RRP15: variants seen among roughly 807,000 people sequenced by gnomAD.
The protein encoded by RRP15 is ribosomal RNA processing 15 homolog, also known as RRP15-like protein.
A neutral mutation model predicts 27.1 loss-of-function variants in RRP15; 18 were observed. That is an observed-to-expected ratio of 0.66 (90% CI 0.46 to 0.98). The LOEUF (loss-of-function observed/expected upper bound fraction) is 0.98. Ranked by LOEUF, RRP15 falls within the 50% of genes least tolerant of loss-of-function variation. RRP15 has a pLI of 0.00. For missense variants in RRP15, 359 were observed against 337.8 expected (o/e 1.06, Z -0.49); for synonymous variants, 107 against 109.4 (o/e 0.98, Z 0.14).
chr1:218,322,512 CT>C (rs988276539), intron 4 of RRP15, among the ~76,000 whole-genome samples: 137 of 139,514 alleles, frequency 9.8e-4, no homozygotes, highest in East Asian at 4.6e-3. Flanking sequence ...TTTAGGTGTA[CT>C]TTTTTTTTTT....
chr1:218,290,027 T>C (rs759060181), intron 1 of RRP15, among the ~76,000 whole-genome samples: 12 of 152,224 alleles, frequency 7.9e-5, no homozygotes, highest in Non-Finnish European at 1.2e-4. Context: ...GGTACCTATC[T>C]GTTGGGCCTG....
intron 1 of RRP15, among the ~76,000 whole-genome samples, chr1:218,291,334 A>G (rs1426329271): frequency 6.6e-6 from 1 of 151,720 alleles, no homozygotes; most frequent in Admixed American, 6.6e-5. Context: ...AGTGCCAGCT[A>G]CTTGTGAGGC....
rs954492018 is a variant in RRP15, at chr1:218,312,521, T to C, written c.705+4889T>C. Among the ~76,000 whole-genome samples the C allele has an allele frequency of 3.9e-5, 6 of 152,246 alleles. No homozygotes were observed. The South Asian group carries it at 1.2e-3, about 32-fold the overall frequency. On this transcript the variant is annotated intron_variant, in intron 4 of 4. Transcript: ENST00000366932. ...ATGATTCTTAGCCAATAAATAGAAC[T>C]TTGGGGTAAAATGTTGAATGTTAAA...
At chr1:218,316,682 T>C (rs1656094129) in intron 4 of RRP15, among the ~76,000 whole-genome samples, 1 of 152,192 alleles carries the variant, frequency 6.6e-6, no homozygotes, top group Non-Finnish European at 1.5e-5. Context: ...CTTAGAATGA[T>C]GCTTAACACA....
At chr1:218,317,324 C>A (rs535942573) in intron 4 of RRP15, among the ~76,000 whole-genome samples, 2 of 152,338 alleles carry the variant, frequency 1.3e-5, no homozygotes, top group East Asian at 3.9e-4. Context: ...TAGAAAACTT[C>A]TCTTCCTTCT....
intron 1 of RRP15, among the ~76,000 whole-genome samples, chr1:218,292,969 T>C (rs767829501): frequency 6.6e-6 from 1 of 152,182 alleles, no homozygotes; most frequent in Non-Finnish European, 1.5e-5. Context: ...ATCTCTGCAA[T>C]ATAGATAAAT....
chr1:218,313,034 T>A (rs993700718), intron 4 of RRP15, among the ~76,000 whole-genome samples: 2 of 152,234 alleles, frequency 1.3e-5, no homozygotes, highest in South Asian at 4.1e-4. Flanking sequence ...GTAAGTGATC[T>A]GGTCAGATTT....
rs182634028 is a variant in RRP15 at position 218,306,864 on chromosome 1, T to G, written c.504-567T>G. Among the ~76,000 whole-genome samples the G allele has an allele frequency of 5.7e-4, 87 of 152,332 alleles. No homozygotes were observed. The Middle Eastern group carries it at 0.031, about 54-fold the overall frequency. On this transcript the variant is annotated intron_variant, in intron 3 of 4. Coordinates refer to ENST00000366932, the MANE Select transcript of RRP15 (RefSeq NM_016052.4). ...AGGATTCTATTTTTCATACTGAGTC[T>G]TTGAAATCTGGTGTATTTTCATTTA...
At chr1:218,302,141 T>G (rs1655819324) in intron 1 of RRP15, among the ~76,000 whole-genome samples, 153 bp from the exon 2 acceptor site, 1 of 152,144 alleles carries the variant, frequency 6.6e-6, no homozygotes, top group Non-Finnish European at 1.5e-5. Flanking sequence ...ATGGTCCTAT[T>G]GCTCTTCATC....
intron 1 of RRP15, among the ~76,000 whole-genome samples, chr1:218,289,726 A>C (rs1655604344): frequency 6.6e-6 from 1 of 152,162 alleles, no homozygotes; most frequent in Non-Finnish European, 1.5e-5. Context: ...CTTGTTGCCC[A>C]GGCTGGAGTG....
At position 218,337,272 on chromosome 1, in the gene RRP15, T is replaced by C. The variant is rs1656463566; in HGVS notation, c.*6181T>C. On this transcript the variant is annotated 3_prime_UTR_variant, in exon 5 of 5. Transcript: ENST00000366932. ...CTGAGTCTTCCTTTTCTAGATAGAA[T>C]TCCCCCCAACAAAAATTTAAAGTCT... 6.6e-6 allele frequency: 1 copy of C among 152,174 alleles called. No individual in the cohort carries two copies. The highest frequency in any genetic ancestry group is 1.5e-5 in the Non-Finnish European group (1 of 68,014). 9.4% of individuals were successfully genotyped at this position (152,174 alleles called of 1,614,324 possible).
intron 1 of RRP15, among the ~76,000 whole-genome samples, chr1:218,290,331 T>C (rs1655619115): frequency 1.3e-5 from 2 of 152,226 alleles, no homozygotes; most frequent in African/African-American, 2.4e-5. Flanking sequence ...ATCCCTGAAT[T>C]AGTGAACCAT....
Position 218,302,504 on chromosome 1 carries a change from A to G in RRP15, c.350A>G (p.Lys117Arg). 1.2e-6 allele frequency: 2 copies of G among 1,613,766 alleles called. No homozygotes were observed. Among genetic ancestry groups the G allele is most frequent in the Non-Finnish European group, 1.7e-6 (2 of 1,179,934 alleles). Residue 117 changes from lysine (K) to arginine (R), a missense_variant, in exon 2 of 5, where the codon AAG becomes AGG. Lys to Arg is a conservative substitution (Grantham distance 26). Transcript: ENST00000366932. ...SKPTILVKNKKLEKEKEKLKQ... is the reference protein window; with the variant it reads ...SKPTILVKNKRLEKEKEKLKQ... The stretch of plus-strand genomic sequence containing the variant: ...CCTACTATTCTGGTCAAAAATAAGA[A>G]GCTGGAAAAGGAAAAAGAAAAGTTA...
rs974802148 is a variant in RRP15, at chr1:218,300,952, C to G, written c.140-1342C>G. ...AGTAAAGTAAGGAGCAGCAGGAAAC[C>G]TGCTTATGCCTTGGCCTTTTTCTTC... On this transcript the variant is annotated intron_variant, in intron 1 of 4. Transcript: ENST00000366932. Among the ~76,000 whole-genome samples the G allele has an allele frequency of 2.0e-5, 3 of 152,132 alleles. No individual in the cohort carries two copies. In the East Asian group the frequency reaches 5.8e-4, roughly 29 times the overall value.
rs1656380287 is a variant in RRP15, at chr1:218,332,099, T to A, written c.*1008T>A. 1 of 150,974 alleles carries A rather than the reference T, an allele frequency of 6.6e-6. No individual in the cohort carries two copies. Among genetic ancestry groups the A allele is most frequent in the African/African-American group, 2.5e-5 (1 of 40,416 alleles). The allele number at this position is 150,974 out of a possible 1,614,324, so 9.4% of individuals were successfully genotyped here. On this transcript the variant is annotated 3_prime_UTR_variant, in exon 5 of 5. Coordinates refer to ENST00000366932, the MANE Select transcript of RRP15 (RefSeq NM_016052.4). ...TTACAGAGGTGGAAATTCTCATGCT[T>A]AACTTATGCAATGAGACAATTTCTC...
At chr1:218,330,453 AT>A (rs748111725) in intron 4 of RRP15, among the ~76,000 whole-genome samples, 57 of 152,224 alleles carry the variant, frequency 3.7e-4, no homozygotes, top group Non-Finnish European at 6.9e-4. Context: ...ATTAAGTGAG[AT>A]GGCATCTTAA....
At position 218,327,851 on chromosome 1, in the gene RRP15, C is replaced by G. The variant is rs192078125; in HGVS notation, c.706-3097C>G. Among the ~76,000 whole-genome samples, 585 of 152,304 alleles carry G rather than the reference C, an allele frequency of 3.8e-3. 3 individuals are homozygous for G. Among genetic ancestry groups the G allele is most frequent in the Non-Finnish European group, 5.4e-3 (368 of 68,030 alleles). ...ATTAGATTTTCTAAAATCTTTCCCT[C>G]TCAGCCATAAAGTGTACTTGGTCTT... On this transcript the variant is annotated intron_variant, in intron 4 of 4. Coordinates refer to ENST00000366932, the MANE Select transcript of RRP15 (RefSeq NM_016052.4).
At position 218,307,534 on chromosome 1, in the gene RRP15, T is replaced by C. The variant is rs1655918725; in HGVS notation, c.607T>C (p.Ser203Pro). ...TATGAGAAAGCGTGCTAAGTTGATA[T>C]CAACTGTTTCCAAGAAAGATTTCAT... is the stretch of plus-strand genomic sequence containing the variant. ...SSMRKRAKLI[S>P]TVSKKDFISV... Residue 203 changes from serine (S) to proline (P), a missense_variant, in exon 4 of 5, where the codon TCA becomes CCA. Coordinates refer to ENST00000366932, the MANE Select transcript of RRP15 (RefSeq NM_016052.4). 2 of 1,613,768 alleles carry C rather than the reference T, an allele frequency of 1.2e-6. No homozygotes were observed. Among genetic ancestry groups the C allele is most frequent in the African/African-American group, 1.3e-5 (1 of 74,902 alleles).
chr1:218,305,372 CTG>C lies in RRP15; in HGVS notation c.503+251_503+252del, dbSNP rs937271732. On this transcript the variant is annotated intron_variant, in intron 3 of 4. Coordinates refer to ENST00000366932, the MANE Select transcript of RRP15 (RefSeq NM_016052.4). ...CATCTTGTTTTTATAGTCACGAGAA[CTG>C]TGTAATCAGACCTCTTACTGCATTT... 9.8e-5 allele frequency among the ~76,000 whole-genome samples: 15 copies of C among 152,300 alleles called. No homozygotes were observed. In the South Asian group the frequency reaches 2.1e-3, roughly 21 times the overall value.
Sources: allele counts gnomAD v4.1 joint callset (sites outside exome capture counted in the v4.1 genomes callset), GRCh38; gene constraint gnomAD v4.1.1; transcripts MANE v1.5; gene names NCBI Gene and HGNC (gene_info 2026-07-23, HGNC 2026-07-21).